PIK3R5: variants seen among roughly 807,000 people sequenced by gnomAD.
The protein encoded by PIK3R5 is phosphoinositide 3-kinase regulatory subunit 5.
PIK3R5 carries 32 observed loss-of-function variants against 94.9 expected under a neutral mutation model. The observed-to-expected ratio is 0.34, with a 90% CI of 0.25 to 0.45. PIK3R5 has a LOEUF of 0.45. Ranked by LOEUF, PIK3R5 falls within the 20% of genes least tolerant of loss-of-function variation. The pLI is 1.00. For missense variants in PIK3R5, 853 were observed against 1,144.6 expected (o/e 0.75, Z 3.68); for synonymous variants, 443 against 479.4 (o/e 0.92, Z 0.99).
chr17:8,891,194 T>C (rs2090014943), intron 6 of PIK3R5, among the ~76,000 whole-genome samples: 1 of 152,210 alleles, frequency 6.6e-6, no homozygotes, highest in Non-Finnish European at 1.5e-5. Context: ...TAAATTTACT[T>C]AATTTTTATA....
chr17:8,904,719 T>C lies in PIK3R5; in HGVS notation c.412+58A>G. On this transcript the variant is annotated intron_variant, in intron 5 of 18. Transcript: ENST00000447110. This position sits in a 1 kb window ranked among gnomAD's most constrained non-coding sequence, Gnocchi z 5.1. The stretch of plus-strand genomic sequence containing the variant: ...GTCACAAAAAACAGTTTCAGAGGAG[T>C]TGGAAGCATTCTGACCTTCTGAGCC... 1 of 1,571,254 alleles carries C rather than the reference T, an allele frequency of 6.4e-7. No individual in the cohort carries two copies. The highest frequency in any genetic ancestry group is 8.7e-7 in the Non-Finnish European group (1 of 1,148,060).
At position 8,890,738 on chromosome 17, in the gene PIK3R5, C is replaced by T. The variant is rs1567638117; in HGVS notation, c.657G>A (p.Gln219=). 4 of 1,605,592 alleles carry T rather than the reference C, an allele frequency of 2.5e-6. No individual in the cohort carries two copies. Among genetic ancestry groups the T allele is most frequent in the Non-Finnish European group, 3.4e-6 (4 of 1,176,424 alleles). ...CDVPGLHCRL[Q]AKTLAELEDI... is the part of the protein sequence containing the mutation. ...AGAGCCCCAGGCCCCAGGTACATAC[C>T]TGTAGCCTGCAGTGCAGGCCCGGGA... Residue 219 remains glutamine (Q), a splice_region_variant and synonymous_variant, in exon 7 of 19, where the codon CAG becomes CAA. Transcript: ENST00000447110. The surrounding 1 kb of genome is among the most constrained non-coding windows in gnomAD (Gnocchi z 6.1).
At chr17:8,917,097 C>A (rs151306206) in intron 1 of PIK3R5, among the ~76,000 whole-genome samples, 1 of 152,122 alleles carries the variant, frequency 6.6e-6, no homozygotes, top group Non-Finnish European at 1.5e-5. Flanking sequence ...GAATCTCCAC[C>A]GTGACCTAAG....
rs557268927 is a variant in PIK3R5, at chr17:8,906,624, T to C, written c.205-887A>G. Among the ~76,000 whole-genome samples, 11 of 152,314 alleles carry C rather than the reference T, an allele frequency of 7.2e-5. No homozygotes were observed. The East Asian group carries it at 2.1e-3, about 29-fold the overall frequency. ...TAGTCTGGGCCCAGTGGCTCATGCT[T>C]GTAATCTCAACACTTTGGGAGGCCG... is the stretch of plus-strand genomic sequence containing the variant. On this transcript the variant is annotated intron_variant, in intron 3 of 18. Transcript: ENST00000447110.
At chr17:8,956,152 C>A (rs147336393) in intron 1 of PIK3R5, among the ~76,000 whole-genome samples, 1 of 151,702 alleles carries the variant, frequency 6.6e-6, no homozygotes, top group Non-Finnish European at 1.5e-5. Flanking sequence ...CAGAGTGAGA[C>A]CCTTTCTCAA....
At position 8,934,146 on chromosome 17, in the gene PIK3R5, CTT is replaced by C. The variant is rs201074707; in HGVS notation, c.-13-22641_-13-22640del. On this transcript the variant is annotated intron_variant, in intron 1 of 18. Transcript: ENST00000447110. ...ATCAGGGAGGAAGAAGTAATGCTGTCTTTACTCTGAGATGACATGACTGTATA... is the reference window on the plus strand; with the variant it reads ...ATCAGGGAGGAAGAAGTAATGCTGTCTACTCTGAGATGACATGACTGTATA... 7.0e-3 allele frequency among the ~76,000 whole-genome samples: 1,072 copies of C among 152,258 alleles called. 9 individuals carry two copies. Among genetic ancestry groups the C allele is most frequent in the African/African-American group, 0.024 (1,004 of 41,528 alleles).
chr17:8,948,841 G>A (rs1361575656), intron 1 of PIK3R5, among the ~76,000 whole-genome samples: 1 of 152,164 alleles, frequency 6.6e-6, no homozygotes, highest in Non-Finnish European at 1.5e-5. Context: ...CATGCAACAG[G>A]AAGTTCAGAG....
chr17:8,891,039 T>C (rs2090011807), intron 6 of PIK3R5, 127 bp from the exon 7 acceptor site: 1 of 874,518 alleles, frequency 1.1e-6, no homozygotes, highest in South Asian at 1.7e-5. Context: ...CAGGCAGAGC[T>C]CGAGGAGGTG....
chr17:8,895,214 A>G (rs1281278541), intron 5 of PIK3R5, among the ~76,000 whole-genome samples: 2 of 152,146 alleles, frequency 1.3e-5, no homozygotes, highest in Admixed American at 6.5e-5. Flanking sequence ...AGCGGAGACA[A>G]ACAGATATTC....
At chr17:8,886,101 G>C in intron 14 of PIK3R5, 128 bp downstream of exon 14, 1 of 708,110 alleles carries the variant, frequency 1.4e-6, no homozygotes, top group South Asian at 1.7e-5. Flanking sequence ...GTCTCCCCAG[G>C]GGCCTACCTC....
chr17:8,954,805 C>T (rs73254509), intron 1 of PIK3R5, among the ~76,000 whole-genome samples: 6,153 of 151,828 alleles, frequency 0.041, 399 homozygotes, highest in African/African-American at 0.14. Context: ...GGTGTAGTGG[C>T]GGGCACCTGT....
At chr17:8,964,192 G>A (rs552923963) in intron 1 of PIK3R5, among the ~76,000 whole-genome samples, 7 of 152,138 alleles carry the variant, frequency 4.6e-5, no homozygotes, top group Admixed American at 3.3e-4. Flanking sequence ...AGGAATTTGG[G>A]ACCAACCTGG....
intron 1 of PIK3R5, among the ~76,000 whole-genome samples, chr17:8,951,449 T>C (rs1234929715): frequency 1.3e-5 from 2 of 152,236 alleles, no homozygotes; most frequent in Non-Finnish European, 1.5e-5. Context: ...ATCTACTTTC[T>C]GTTTCTATGA....
At chr17:8,943,106 G>A (rs1166081782) in intron 1 of PIK3R5, among the ~76,000 whole-genome samples, 1 of 151,054 alleles carries the variant, frequency 6.6e-6, no homozygotes, top group Non-Finnish European at 1.5e-5. Flanking sequence ...ACAGGGTCTC[G>A]CTCTGTTGCA....
rs780549835 is a variant in PIK3R5 at position 8,888,773 on chromosome 17, C to T, written c.1014G>A (p.Gly338=). 4 of 1,613,060 alleles carry T rather than the reference C, an allele frequency of 2.5e-6. No individual in the cohort carries two copies. The highest frequency in any genetic ancestry group is 3.4e-6 in the Non-Finnish European group (4 of 1,179,994). ...GCAGGGAATCTCTCTCGGCACAGTG[C>T]CCGTCAGTTTCCAAGTCCTCCTCCA... ...EEVEEDLETD[G]HCAERDSLLS... Residue 338 remains glycine (G), a synonymous_variant, in exon 10 of 19, where the codon GGG becomes GGA. Coordinates refer to ENST00000447110, the MANE Select transcript of PIK3R5 (RefSeq NM_001142633.3). The surrounding 1 kb of genome is among the most constrained non-coding windows in gnomAD (Gnocchi z 7.8).
chr17:8,947,427 A>G (rs1164493038), intron 1 of PIK3R5, among the ~76,000 whole-genome samples: 2 of 152,198 alleles, frequency 1.3e-5, no homozygotes, highest in African/African-American at 4.8e-5. Context: ...ACGGAAGAAA[A>G]TGCTAGACAT....
At chr17:8,948,920 TA>T (rs2091326513) in intron 1 of PIK3R5, among the ~76,000 whole-genome samples, 1 of 152,142 alleles carries the variant, frequency 6.6e-6, no homozygotes, top group Admixed American at 6.5e-5. Context: ...TGGAGGCTAA[TA>T]TGGGACAGGT....
intron 1 of PIK3R5, among the ~76,000 whole-genome samples, chr17:8,934,528 C>G (rs1222881056): frequency 6.6e-6 from 1 of 152,132 alleles, no homozygotes; most frequent in Non-Finnish European, 1.5e-5. Context: ...CAGTCAATAT[C>G]TCAGCAAACT....
chr17:8,891,064 G>A, intron 6 of PIK3R5, 152 bp from the exon 7 acceptor site: 1 of 668,148 alleles, frequency 1.5e-6, no homozygotes, highest in Non-Finnish European at 2.5e-6. Context: ...CAGGAGGCCA[G>A]GACAGAAGCA....
Sources: gnomAD v4.1 joint callset for allele counts (sites outside exome capture counted in the v4.1 genomes callset) on GRCh38, gnomAD v4.1.1 for gene constraint, Gnocchi (gnomAD v3.1) non-coding constraint, MANE v1.5 for transcripts, NCBI Gene and HGNC (gene_info 2026-07-23, HGNC 2026-07-21) for gene names.